TG: variants seen among roughly 807,000 people sequenced by gnomAD.
TG encodes thyroglobulin, also known as thyroid hormones.
Under a neutral mutation model 324.7 loss-of-function variants are expected in TG, and 270 were observed. The ratio of observed to expected loss-of-function variants is 0.83; its 90% CI spans 0.75 to 0.92. The LOEUF (loss-of-function observed/expected upper bound fraction) is 0.92, where lower values mean the gene tolerates loss of function less well. TG is among the 40% of genes least tolerant of loss of function. The pLI, the probability that TG is intolerant of heterozygous loss-of-function variation, is 0.00. For synonymous variants in TG, 1,401 were observed against 1,327.0 expected (o/e 1.06, Z -1.21); for missense variants, 3,591 against 3,456.4 (o/e 1.04, Z -0.98).
At chr8:132,868,514 T>C (rs1234547533) in intron 2 of TG, among the ~76,000 whole-genome samples, 4 of 152,188 alleles carry the variant, frequency 2.6e-5, no homozygotes, top group Non-Finnish European at 5.9e-5. Context: ...CTGTGATGGC[T>C]TGAATAAACG....
intron 26 of TG, among the ~76,000 whole-genome samples, chr8:132,943,241 T>A (rs1321417507): frequency 6.6e-6 from 1 of 152,164 alleles, no homozygotes; most frequent in Non-Finnish European, 1.5e-5. Flanking sequence ...GGCTTGGTGC[T>A]ATCCTCGTGA....
intron 44 of TG, among the ~76,000 whole-genome samples, chr8:133,116,128 C>G (rs1764187549): frequency 6.6e-6 from 1 of 152,114 alleles, no homozygotes; most frequent in Non-Finnish European, 1.5e-5. Context: ...TGCTGAGAGC[C>G]CCTGGGCTGA....
At chr8:132,933,272 G>A (rs905022112) in intron 23 of TG, among the ~76,000 whole-genome samples, 2 of 788 alleles carry the variant, frequency 2.5e-3, no homozygotes, top group African/African-American at 2.5e-3. Context: ...GTGTTTGGGT[G>A]TTTATTTGGA....
rs201331073 is a variant in TG, at chr8:133,111,043, T to TC, written c.7573-2373dup. ...AGAGGAAAAAATATATTTTCCAAGA[T>TC]CCCCCCAAATTTGGCAGTTAGCACT... is the stretch of plus-strand genomic sequence containing the variant. On this transcript the variant is annotated intron_variant, in intron 43 of 47. Transcript: ENST00000220616. Among the ~76,000 whole-genome samples the TC allele has an allele frequency of 8.4e-3, 1,283 of 152,174 alleles. 16 individuals are homozygous for TC. The highest frequency in any genetic ancestry group is 0.029 in the African/African-American group (1,217 of 41,508).
At chr8:132,887,713 G>A (rs537440768) in intron 9 of TG, among the ~76,000 whole-genome samples, 165 bp downstream of exon 9, 180 of 152,256 alleles carry the variant, frequency 1.2e-3, no homozygotes, top group African/African-American at 4.2e-3. Context: ...CCTAGATAAT[G>A]TTAATCAGAC....
intron 20 of TG, among the ~76,000 whole-genome samples, 169 bp from the exon 21 acceptor site, chr8:132,919,207 T>C (rs922201951): frequency 2.6e-5 from 4 of 152,216 alleles, no homozygotes; most frequent in Non-Finnish European, 5.9e-5. Flanking sequence ...TCTTCACAGC[T>C]GCTTCCCTGC....
Position 132,961,037 on chromosome 8 carries a change from A to G in TG, c.5431A>G (p.Thr1811Ala), listed in dbSNP as rs761677329. 232 of 1,613,848 alleles carry G rather than the reference A, an allele frequency of 1.4e-4. No homozygotes were observed. Among genetic ancestry groups the G allele is most frequent in the Non-Finnish European group, 1.8e-4 (217 of 1,179,942 alleles). Residue 1811 changes from threonine (T) to alanine (A), a missense_variant, in exon 28 of 48, where the codon ACC becomes GCC. Transcript: ENST00000220616. The part of the protein sequence containing the change: ...SLTPLEGTQD[T>A]FTNFQQVYLW... ...GACACCCTTAGAAGGAACTCAAGAC[A>G]CCTTTACCAATTTTCAGCAGGTTTA...
At chr8:133,051,552 T>G (rs1840408014) in intron 41 of TG, among the ~76,000 whole-genome samples, 1 of 152,048 alleles carries the variant, frequency 6.6e-6, no homozygotes, top group Admixed American at 6.6e-5. Flanking sequence ...ATAGGGACAT[T>G]TGTTGAGGGT....
chr8:133,065,863 A>G (rs1842960597), intron 41 of TG, among the ~76,000 whole-genome samples: 1 of 152,226 alleles, frequency 6.6e-6, no homozygotes, highest in Admixed American at 6.5e-5. Flanking sequence ...AAACTTTAAT[A>G]CAATGGAGGC....
intron 31 of TG, 67 bp downstream of exon 31, chr8:132,968,037 A>G: frequency 1.3e-6 from 2 of 1,565,748 alleles, no homozygotes; most frequent in South Asian, 2.3e-5. Context: ...GGTTTTAGAA[A>G]GATCCACATT....
intron 35 of TG, among the ~76,000 whole-genome samples, chr8:132,991,835 C>T (rs1832378173): frequency 6.6e-6 from 1 of 152,108 alleles, no homozygotes; most frequent in African/African-American, 2.4e-5. Context: ...CTGGGCACAG[C>T]CTCACATCTG....
intron 35 of TG, chr8:133,002,435 C>T (rs772058502): frequency 2.0e-5 from 20 of 983,220 alleles, no homozygotes; most frequent in Non-Finnish European, 2.4e-5. Flanking sequence ...CGCCTCACAT[C>T]TTTCAGCAAG....
chr8:132,995,304 G>T, intron 35 of TG: 1 of 984,912 alleles, frequency 1.0e-6, no homozygotes, highest in Non-Finnish European at 1.2e-6. Flanking sequence ...ACCACATACA[G>T]CAAGTGCTTG....
At chr8:132,995,440 A>G in intron 35 of TG, 2 of 985,218 alleles carry the variant, frequency 2.0e-6, no homozygotes, top group Non-Finnish European at 2.4e-6. Context: ...AGCTTGGGCA[A>G]GTTCCCTACA....
intron 41 of TG, among the ~76,000 whole-genome samples, chr8:133,086,829 T>C (rs185795511): frequency 2.0e-3 from 298 of 152,314 alleles, no homozygotes; most frequent in Non-Finnish European, 3.2e-3. Context: ...AATCAAACAG[T>C]TGCAAATCAG....
Position 132,988,454 on chromosome 8 carries a change from TTGGATACTGCAG to T in TG, c.6262+5043_6262+5054del, listed in dbSNP as rs927785036. 3.0e-4 allele frequency among the ~76,000 whole-genome samples: 9 copies of T among 30,488 alleles called. No individual in the cohort carries two copies. The South Asian group carries it at 4.0e-3, about 14-fold the overall frequency. The allele number at this position is 30,488 out of a possible 152,430, so 20.0% of individuals were successfully genotyped here. A position where few individuals can be genotyped will look rare whatever the true frequency, so the allele number is the denominator to read the frequency against. ...GACCGGGGCCAAAGCGTAAAGTGCATTGGATACTGCAGATCCTTGCAGGGCTTGAAGCAGTGG... is the reference window on the plus strand; with the variant it reads ...GACCGGGGCCAAAGCGTAAAGTGCATATCCTTGCAGGGCTTGAAGCAGTGG... On this transcript the variant is annotated intron_variant, in intron 35 of 47. Coordinates refer to ENST00000220616, the MANE Select transcript of TG (RefSeq NM_003235.5).
In TG at chr8:132,957,764, C is replaced by CACACACACACACACACAG. The variant is rs1564002663; in HGVS notation, c.5402-3227_5402-3226insGACACACACACACACACA. On this transcript the variant is annotated intron_variant, in intron 27 of 47. Coordinates refer to ENST00000220616, the MANE Select transcript of TG (RefSeq NM_003235.5). ...AACTACACACACACACACACACACA[C>CACACACACACACACACAG]ACACACACACACACACACACGTATG... Among the ~76,000 whole-genome samples, 24 of 135,414 alleles carry CACACACACACACACACAG rather than the reference C, an allele frequency of 1.8e-4. 1 individual carries two copies. In the South Asian group the frequency reaches 4.7e-3, roughly 26 times the overall value. The allele number at this position is 135,414 out of a possible 152,430, so 88.8% of individuals were successfully genotyped here.
chr8:133,029,788 A>G, intron 40 of TG, 33 bp from the exon 41 acceptor site: 1 of 1,613,748 alleles, frequency 6.2e-7, no homozygotes, highest in Non-Finnish European at 8.5e-7. Context: ...TTGTAAAGTC[A>G]CAAAGGATAA....
intron 35 of TG, chr8:132,994,800 G>A (rs140274488): frequency 1.8e-4 from 233 of 1,287,518 alleles, no homozygotes; most frequent in Non-Finnish European, 2.0e-4. Flanking sequence ...TGGTGTCATG[G>A]GAAGGTGAGA....
Sources: gnomAD v4.1 joint callset for allele counts (sites outside exome capture counted in the v4.1 genomes callset) on GRCh38, gnomAD v4.1.1 for gene constraint, MANE v1.5 for transcripts, NCBI Gene and HGNC (gene_info 2026-07-23, HGNC 2026-07-21) for gene names.